Variants in GRID2 observed in about 807,000 individuals in gnomAD.
The protein encoded by GRID2 is glutamate ionotropic receptor delta type subunit 2.
A neutral mutation model predicts 114.8 loss-of-function variants in GRID2; 33 were observed. That is an observed-to-expected ratio of 0.29 (90% confidence interval 0.22 to 0.38). The LOEUF (loss-of-function observed/expected upper bound fraction) is 0.38, where lower values mean the gene tolerates loss of function less well. GRID2 is among the 10% of genes least tolerant of loss of function. The pLI is 1.00. For missense variants in GRID2, 1,184 were observed against 1,257.7 expected, an observed-to-expected ratio of 0.94 and a Z score of 0.89; for synonymous variants, 505 against 449.9, an observed-to-expected ratio of 1.12 and a Z score of -1.55.
chr4:93,511,506 A>G lies in GRID2; in HGVS notation c.1998-3710A>G, dbSNP rs147204574. On this transcript the variant is annotated intron_variant, in intron 12 of 15. Coordinates refer to ENST00000282020, the MANE Select transcript of GRID2 (RefSeq NM_001510.4). ...AATCTCAGTCAGGTGTCAAGAAGAT[A>G]AGGCTGATTAGAGCAGCAAAGCATT... 4.3e-3 allele frequency among the ~76,000 whole-genome samples: 659 copies of G among 152,264 alleles called. 3 individuals are homozygous for G. Among genetic ancestry groups the G allele is most frequent in the Non-Finnish European group, 7.2e-3 (490 of 68,006 alleles).
chr4:92,384,119 G>A (rs1729751553), intron 1 of GRID2, among the ~76,000 whole-genome samples: 1 of 151,330 alleles, frequency 6.6e-6, no homozygotes, highest in South Asian at 2.1e-4. Flanking sequence ...ATTTGGCAGT[G>A]TGTGTATATG....
chr4:93,271,841 AACT>A (rs1490756863), intron 8 of GRID2, among the ~76,000 whole-genome samples: 1 of 152,220 alleles, frequency 6.6e-6, no homozygotes, highest in Non-Finnish European at 1.5e-5. Flanking sequence ...AAGAATTATA[AACT>A]ACTAAGAAAT....
At chr4:92,813,348 T>C (rs1740740628) in intron 2 of GRID2, among the ~76,000 whole-genome samples, 2 of 152,100 alleles carry the variant, frequency 1.3e-5, no homozygotes, top group South Asian at 4.1e-4. Context: ...AACCAACTTA[T>C]ATCCTCACAC....
chr4:93,104,939 T>A (rs1732060692), intron 3 of GRID2, among the ~76,000 whole-genome samples: 1 of 151,894 alleles, frequency 6.6e-6, no homozygotes, highest in East Asian at 1.9e-4. Context: ...GTAAAAGTGT[T>A]CCTGTTTCTC....
At chr4:93,325,194 A>G (rs1034260979) in intron 8 of GRID2, among the ~76,000 whole-genome samples, 1 of 152,128 alleles carries the variant, frequency 6.6e-6, no homozygotes, top group Non-Finnish European at 1.5e-5. Context: ...ATTTCCTTCT[A>G]CACACTGCTT....
intron 2 of GRID2, among the ~76,000 whole-genome samples, chr4:92,790,724 G>GA (rs148843080): frequency 0.13 from 12,532 of 99,286 alleles, 538 homozygotes; most frequent in East Asian, 0.19. Flanking sequence ...AGCTTTTTAA[G>GA]AAAAAAAAAA....
rs182650623 is a variant in GRID2, at chr4:92,383,172, G to A, written c.88+78428G>A. On this transcript the variant is annotated intron_variant, in intron 1 of 15. Coordinates refer to ENST00000282020, the MANE Select transcript of GRID2 (RefSeq NM_001510.4). ...GTGCTAAATCATTCATGAGGATTCC[G>A]CTCCCATGATCCAATCACCTCCTAC... is the stretch of plus-strand genomic sequence containing the variant. Among the ~76,000 whole-genome samples, 14 of 151,868 alleles carry A rather than the reference G, an allele frequency of 9.2e-5. No homozygotes were observed. In the East Asian group the frequency reaches 1.9e-3, roughly 21 times the overall value.
chr4:92,787,584 C>A (rs1242964372), intron 2 of GRID2, among the ~76,000 whole-genome samples: 1 of 151,746 alleles, frequency 6.6e-6, no homozygotes. Context: ...GTGGAGGTAA[C>A]CTTAAATGAT....
At chr4:92,761,254 C>G (rs1417795774) in intron 2 of GRID2, among the ~76,000 whole-genome samples, 2 of 151,208 alleles carry the variant, frequency 1.3e-5, no homozygotes, top group Non-Finnish European at 2.9e-5. Flanking sequence ...ATATATTTCT[C>G]TAGTTTGTTT....
intron 11 of GRID2, among the ~76,000 whole-genome samples, chr4:93,487,538 T>C (rs565286014): frequency 1.8e-4 from 27 of 152,018 alleles, no homozygotes; most frequent in African/African-American, 5.8e-4. Context: ...GACCCATGAC[T>C]TCATTTATGC....
chr4:92,797,343 C>T (rs1739932852), intron 2 of GRID2, among the ~76,000 whole-genome samples: 1 of 151,978 alleles, frequency 6.6e-6, no homozygotes, highest in Admixed American at 6.6e-5. Flanking sequence ...TAAGCACATG[C>T]TCATAAGACT....
chr4:93,349,342 A>G (rs1035877333), intron 8 of GRID2, among the ~76,000 whole-genome samples: 1 of 152,122 alleles, frequency 6.6e-6, no homozygotes, highest in Non-Finnish European at 1.5e-5. Flanking sequence ...AATAATCTCA[A>G]GAGGTAACAC....
chr4:93,197,446 G>GT (rs1491171729), intron 4 of GRID2, among the ~76,000 whole-genome samples: 1 of 151,692 alleles, frequency 6.6e-6, no homozygotes, highest in African/African-American at 2.4e-5. Context: ...TATTATCTAC[G>GT]TGTGTGTGTG....
rs182782551 is a variant in GRID2 at position 92,867,680 on chromosome 4, A to G, written c.245-217315A>G. Reference sequence around the variant, plus strand: ...TGGATTTTTAACACTTGGTTGCTCAATGGAACCTTAAAAATTCCTATGATC... The same window carrying G: ...TGGATTTTTAACACTTGGTTGCTCAGTGGAACCTTAAAAATTCCTATGATC... On this transcript the variant is annotated intron_variant, in intron 2 of 15. Transcript: ENST00000282020. Among the ~76,000 whole-genome samples the G allele has an allele frequency of 1.4e-3, 211 of 152,154 alleles. 1 individual carries two copies. Among genetic ancestry groups the G allele is most frequent in the African/African-American group, 4.7e-3 (195 of 41,520 alleles).
chr4:93,222,706 A>G (rs1191132744), intron 6 of GRID2, among the ~76,000 whole-genome samples: 7 of 152,020 alleles, frequency 4.6e-5, no homozygotes, highest in Non-Finnish European at 1.0e-4. Context: ...ATGAGTGAGA[A>G]CATGCGGTGT....
intron 1 of GRID2, among the ~76,000 whole-genome samples, chr4:92,353,187 A>C (rs949572875): frequency 6.6e-6 from 1 of 150,850 alleles, no homozygotes; most frequent in Non-Finnish European, 1.5e-5. Context: ...TATAATTTTT[A>C]TCTCTTTACT....
In GRID2 at chr4:92,512,827, T is replaced by C. The variant is rs570364148; in HGVS notation, c.89-77304T>C. Among the ~76,000 whole-genome samples the C allele has an allele frequency of 2.7e-4, 41 of 151,976 alleles. No individual in the cohort carries two copies. The South Asian group carries it at 8.1e-3, about 30-fold the overall frequency. On this transcript the variant is annotated intron_variant, in intron 1 of 15. Coordinates refer to ENST00000282020, the MANE Select transcript of GRID2 (RefSeq NM_001510.4). ...CTAAAGATTGACCCTGAGAACGTAA[T>C]TATATAGTTATTCTTTTTACTCTGC... is the stretch of plus-strand genomic sequence containing the variant.
chr4:92,925,850 CT>C (rs1749766825), intron 2 of GRID2, among the ~76,000 whole-genome samples: 1 of 151,886 alleles, frequency 6.6e-6, no homozygotes, highest in African/African-American at 2.4e-5. Context: ...TATGACATTG[CT>C]TTTATTTCAT....
chr4:92,789,430 A>AT (rs1739469121), intron 2 of GRID2, among the ~76,000 whole-genome samples: 1 of 151,800 alleles, frequency 6.6e-6, no homozygotes, highest in Non-Finnish European at 1.5e-5. Context: ...TTTCAGTTGG[A>AT]CACACGTTAG....
Sources: allele counts gnomAD v4.1 joint callset (sites outside exome capture counted in the v4.1 genomes callset), GRCh38; gene constraint gnomAD v4.1.1; transcripts MANE v1.5; gene names NCBI Gene and HGNC (gene_info 2026-07-23, HGNC 2026-07-21).